Variants in ADCY8 observed in about 807,000 individuals in gnomAD.
ADCY8 encodes adenylate cyclase 8, also known as adenylate cyclase type 8.
Under a neutral mutation model 119.7 loss-of-function variants are expected in ADCY8, and 51 were observed. That is an observed-to-expected ratio of 0.43 (90% CI 0.34 to 0.54). The LOEUF (loss-of-function observed/expected upper bound fraction) is 0.54. Ranked by LOEUF, ADCY8 falls within the 20% of genes least tolerant of loss-of-function variation. The pLI is 0.03. For missense variants in ADCY8, 1,383 were observed against 1,598.8 expected (o/e 0.87, Z 2.30); for synonymous variants, 665 against 651.0 (o/e 1.02, Z -0.33).
intron 1 of ADCY8, among the ~76,000 whole-genome samples, chr8:130,991,666 A>C (rs1426697241): frequency 6.6e-6 from 1 of 152,248 alleles, no homozygotes; most frequent in East Asian, 1.9e-4. Context: ...CACAATGCCC[A>C]GAACATAGCA....
At chr8:130,922,928 AT>A (rs1411838599) in intron 5 of ADCY8, among the ~76,000 whole-genome samples, 3 of 152,308 alleles carry the variant, frequency 2.0e-5, no homozygotes, top group South Asian at 4.1e-4. Flanking sequence ...TCATTTGGAA[AT>A]TGTTCTTCAC....
At chr8:130,831,303 G>A (rs534147293) in intron 12 of ADCY8, among the ~76,000 whole-genome samples, 1 of 152,158 alleles carries the variant, frequency 6.6e-6, no homozygotes, top group Non-Finnish European at 1.5e-5. Context: ...ATAACCCTAA[G>A]TGCTTACTAT....
intron 1 of ADCY8, among the ~76,000 whole-genome samples, chr8:130,993,155 T>C (rs868518894): frequency 2.0e-5 from 3 of 152,168 alleles, no homozygotes; most frequent in African/African-American, 4.8e-5. Context: ...GCTGGCTTTG[T>C]TGTATAAATG....
intron 2 of ADCY8, among the ~76,000 whole-genome samples, chr8:130,970,666 G>T (rs1586618014): frequency 6.6e-6 from 1 of 152,320 alleles, no homozygotes; most frequent in African/African-American, 2.4e-5. Context: ...GGGAACTGCT[G>T]CCCTAGATGA....
At chr8:130,866,712 A>G (rs1465434234) in intron 9 of ADCY8, among the ~76,000 whole-genome samples, 1 of 152,204 alleles carries the variant, frequency 6.6e-6, no homozygotes, top group East Asian at 1.9e-4. Flanking sequence ...AGTAACTAAA[A>G]GCACAGACTT....
At chr8:131,027,525 G>T (rs1823858637) in intron 1 of ADCY8, among the ~76,000 whole-genome samples, 1 of 152,166 alleles carries the variant, frequency 6.6e-6, no homozygotes, top group Admixed American at 6.5e-5. Flanking sequence ...GGGTGGGGCT[G>T]CACTAGAACA....
chr8:130,941,923 A>T (rs967212898), intron 4 of ADCY8, among the ~76,000 whole-genome samples: 1 of 152,202 alleles, frequency 6.6e-6, no homozygotes, highest in African/African-American at 2.4e-5. Flanking sequence ...CCTTCTTGAC[A>T]AATTCAAACC....
chr8:130,878,710 A>C (rs894349755), intron 8 of ADCY8, among the ~76,000 whole-genome samples: 8 of 152,218 alleles, frequency 5.3e-5, no homozygotes, highest in African/African-American at 1.9e-4. Context: ...CTTAAGTTTG[A>C]AAACTATTAG....
intron 15 of ADCY8, among the ~76,000 whole-genome samples, chr8:130,799,661 C>T (rs1217611482): frequency 2.0e-5 from 3 of 152,208 alleles, no homozygotes; most frequent in Non-Finnish European, 4.4e-5. Context: ...CCAGGGCAGC[C>T]CATGACCAAT....
rs149369998 is a variant in ADCY8, at chr8:130,971,828, T to C, written c.1110+18565A>G. The stretch of plus-strand genomic sequence containing the variant: ...TGATATGACAAAGATGATGTATTCA[T>C]GGAGCTTCAAATAGTTGGATGTGGA... On this transcript the variant is annotated intron_variant, in intron 2 of 17. Transcript: ENST00000286355. Among the ~76,000 whole-genome samples, 19 of 152,344 alleles carry C rather than the reference T, an allele frequency of 1.2e-4. No homozygotes were observed. In the East Asian group the frequency reaches 3.1e-3, roughly 25 times the overall value.
intron 17 of ADCY8, among the ~76,000 whole-genome samples, chr8:130,782,095 G>A (rs1815099648): frequency 6.6e-6 from 1 of 152,184 alleles, no homozygotes. Flanking sequence ...ATATCTCGGA[G>A]TAAGGAGGTT....
chr8:130,808,472 T>G (rs770816468), intron 14 of ADCY8, among the ~76,000 whole-genome samples: 3 of 152,156 alleles, frequency 2.0e-5, no homozygotes, highest in Non-Finnish European at 4.4e-5. Context: ...GTAAATGTAA[T>G]GAATCAGATG....
At chr8:130,785,595 TATC>T in intron 15 of ADCY8, 120 bp from the exon 16 acceptor site, 1 of 579,544 alleles carries the variant, frequency 1.7e-6, no homozygotes, top group Non-Finnish European at 2.9e-6. Context: ...ATCCTCTAGT[TATC>T]TGCTTTTCTC....
At chr8:130,800,095 C>T (rs985287073) in intron 15 of ADCY8, among the ~76,000 whole-genome samples, 2 of 152,162 alleles carry the variant, frequency 1.3e-5, no homozygotes, top group African/African-American at 2.4e-5. Flanking sequence ...CAGTGTCCAG[C>T]CTCTGTGGTG....
intron 2 of ADCY8, among the ~76,000 whole-genome samples, chr8:130,964,172 G>A (rs1370206309): frequency 6.6e-6 from 1 of 152,184 alleles, no homozygotes; most frequent in South Asian, 2.1e-4. Flanking sequence ...TACCACCTTA[G>A]TGTGGTAGAC....
chr8:130,850,475 T>G (rs1817487077), intron 9 of ADCY8, among the ~76,000 whole-genome samples: 1 of 152,118 alleles, frequency 6.6e-6, no homozygotes, highest in Non-Finnish European at 1.5e-5. Flanking sequence ...GGAGGCATCT[T>G]TAACTCCTGT....
intron 11 of ADCY8, among the ~76,000 whole-genome samples, chr8:130,837,369 T>A (rs776513857): frequency 6.6e-6 from 1 of 152,150 alleles, no homozygotes; most frequent in Non-Finnish European, 1.5e-5. Context: ...TCGACTCTCA[T>A]CCATATGCCT....
intron 9 of ADCY8, among the ~76,000 whole-genome samples, chr8:130,861,520 T>C (rs1817928768): frequency 6.6e-6 from 1 of 152,212 alleles, no homozygotes; most frequent in Non-Finnish European, 1.5e-5. Context: ...TTGACTTTTG[T>C]ATATTGACAT....
rs765786866 is a variant in ADCY8 at position 130,806,092 on chromosome 8, C to T, written c.2914-5520G>A. Among the ~76,000 whole-genome samples, 12 of 152,132 alleles carry T rather than the reference C, an allele frequency of 7.9e-5. No homozygotes were observed. The South Asian group carries it at 1.7e-3, about 21-fold the overall frequency. On this transcript the variant is annotated intron_variant, in intron 14 of 17. Transcript: ENST00000286355. The stretch of plus-strand genomic sequence containing the variant: ...CCTCCTCAGCTGGTGAAGGCAGGAA[C>T]GTGGGAAGAGAGGAGCGCTCGACCC...
Sources: gnomAD v4.1 joint callset for allele counts (sites outside exome capture counted in the v4.1 genomes callset) on GRCh38, gnomAD v4.1.1 for gene constraint, MANE v1.5 for transcripts, NCBI Gene and HGNC (gene_info 2026-07-23, HGNC 2026-07-21) for gene names.